HNRNPA2B1: variants seen among roughly 807,000 people sequenced by gnomAD.
HNRNPA2B1 encodes heterogeneous nuclear ribonucleoprotein A2/B1, also known as heterogeneous nuclear ribonucleoproteins A2/B1.
HNRNPA2B1 carries 3 observed loss-of-function variants against 46.3 expected under a neutral mutation model. The ratio of observed to expected loss-of-function variants is 0.06; its 90% CI spans 0.03 to 0.17. The LOEUF (loss-of-function observed/expected upper bound fraction) is 0.17. HNRNPA2B1 is among the 10% of genes least tolerant of loss of function. The probability of loss-of-function intolerance (pLI) is 1.00; values close to 1 mark genes in which losing one functional copy is unlikely to be tolerated. For missense variants in HNRNPA2B1, 221 were observed against 418.9 expected, an observed-to-expected ratio of 0.53 and a Z score of 4.12; for synonymous variants, 225 against 133.8, an observed-to-expected ratio of 1.68 and a Z score of -4.70.
At chr7:26,197,279 T>C (rs1469040373) in intron 3 of HNRNPA2B1, 36 bp downstream of exon 3, 1 of 1,563,550 alleles carries the variant, frequency 6.4e-7, no homozygotes, top group Non-Finnish European at 8.6e-7. Context: ...GCAGCGTTCT[T>C]CATGTTAATG....
At chr7:26,198,843 T>C (rs1263585260) in intron 1 of HNRNPA2B1, 1 of 152,266 alleles carries the variant, frequency 6.6e-6, no homozygotes, top group African/African-American at 2.4e-5. Context: ...GCAAGCAGCA[T>C]TAATTGCTGC....
chr7:26,190,143 TTATTTTATA>T lies in HNRNPA2B1; in HGVS notation c.*2208_*2216del, dbSNP rs1169226728. The T allele has an allele frequency of 6.6e-6, 1 of 152,584 alleles. No individual in the cohort carries two copies. Among genetic ancestry groups the T allele is most frequent in the African/African-American group, 2.4e-5 (1 of 41,456 alleles). The allele number at this position is 152,584 out of a possible 1,614,324, so 9.5% of individuals were successfully genotyped here. On this transcript the variant is annotated 3_prime_UTR_variant, in exon 11 of 11. Transcript: ENST00000618183. ...CCAAGTATTTGGATACAAAAAGTAT[TTATTTTATA>T]AACTTTATATTTAAAATAGAATTGT...
chr7:26,194,372 G>C (rs1783261727), intron 7 of HNRNPA2B1, among the ~76,000 whole-genome samples: 1 of 149,836 alleles, frequency 6.7e-6, no homozygotes, highest in South Asian at 2.1e-4. Context: ...CTCCAGCCTG[G>C]GCGACAGAGA....
Position 26,191,873 on chromosome 7 carries a change from A to T in HNRNPA2B1, c.*487T>A, listed in dbSNP as rs1244585408. The stretch of plus-strand genomic sequence containing the variant: ...CTTTAGAATTATTTTATTAAATCAT[A>T]AATGTACAACAGCTTCTTAACTCTA... On this transcript the variant is annotated 3_prime_UTR_variant, in exon 11 of 11. Transcript: ENST00000618183. 6.6e-6 allele frequency: 1 copy of T among 152,652 alleles called. No homozygotes were observed. The highest frequency in any genetic ancestry group is 1.5e-5 in the Non-Finnish European group (1 of 68,042). 9.5% of individuals were successfully genotyped at this position (152,652 alleles called of 1,614,324 possible).
chr7:26,197,099 T>C (rs1783726284), intron 3 of HNRNPA2B1, 82 bp from the exon 4 acceptor site: 1 of 1,185,814 alleles, frequency 8.4e-7, no homozygotes, highest in Admixed American at 2.1e-5. Context: ...AGTACCATAC[T>C]TCGCTTGTAT....
chr7:26,199,879 C>A (rs911944557), intron 1 of HNRNPA2B1: 3 of 152,238 alleles, frequency 2.0e-5, no homozygotes, highest in East Asian at 1.9e-4. Flanking sequence ...GAGCACCCCC[C>A]CTCCCCGCTC....
In HNRNPA2B1 at chr7:26,200,514, A is replaced by C; in HGVS notation, c.6+58T>G. ...GGAGGCGGCTGGCCGACTTCCACTG[A>C]GGCGCCAACGGCCTCGCCATGCCCT... is the stretch of plus-strand genomic sequence containing the variant. On this transcript the variant is annotated intron_variant, in intron 1 of 10. Transcript: ENST00000618183. 3 of 1,587,518 alleles carry C rather than the reference A, an allele frequency of 1.9e-6. No individual in the cohort carries two copies. The South Asian group carries it at 3.3e-5, about 18-fold the overall frequency.
intron 7 of HNRNPA2B1, among the ~76,000 whole-genome samples, chr7:26,194,059 G>A (rs547229307): frequency 2.0e-5 from 3 of 152,274 alleles, no homozygotes; most frequent in Non-Finnish European, 2.9e-5. Flanking sequence ...TGGCCCAAAA[G>A]ATAAAGTTTC....
intron 1 of HNRNPA2B1, chr7:26,198,890 C>T (rs1038208841): frequency 6.6e-6 from 1 of 152,254 alleles, no homozygotes; most frequent in Non-Finnish European, 1.5e-5. Context: ...CCTCCATTCG[C>T]ATGCTCCCAA....
intron 10 of HNRNPA2B1, 33 bp from the exon 11 acceptor site, chr7:26,192,371 AT>A: frequency 2.9e-6 from 2 of 700,418 alleles, no homozygotes; most frequent in East Asian, 2.5e-5. Flanking sequence ...TAAAAAAAAA[AT>A]AGGTTATGAA....
Position 26,200,586 on chromosome 7 carries a change from C to T in HNRNPA2B1, c.-9G>A. Reference sequence around the variant, plus strand: ...AAACCCGTTACCTCCATCGCGGACTCAGTCGCTTCAGCCCGATTTCCCGCA... The same window carrying T: ...AAACCCGTTACCTCCATCGCGGACTTAGTCGCTTCAGCCCGATTTCCCGCA... On this transcript the variant is annotated 5_prime_UTR_variant, in exon 1 of 11. Coordinates refer to ENST00000618183, the MANE Select transcript of HNRNPA2B1 (RefSeq NM_002137.4). 6.2e-7 allele frequency: 1 copy of T among 1,613,586 alleles called. No individual in the cohort carries two copies.
In HNRNPA2B1 at chr7:26,190,236, T is replaced by C. The variant is rs572613516; in HGVS notation, c.*2124A>G. ...TGATACATTTATCTCTCTAGCCAAT[T>C]TGATGTTACTGTTTTACAAACAACA... On this transcript the variant is annotated 3_prime_UTR_variant, in exon 11 of 11. Coordinates refer to ENST00000618183, the MANE Select transcript of HNRNPA2B1 (RefSeq NM_002137.4). The C allele has an allele frequency of 6.5e-6, 1 of 152,758 alleles. No homozygotes were observed. The highest frequency in any genetic ancestry group is 2.4e-5 in the African/African-American group (1 of 41,588). 9.5% of individuals were successfully genotyped at this position (152,758 alleles called of 1,614,324 possible).
Position 26,189,971 on chromosome 7 carries a change from G to A in HNRNPA2B1, c.*2389C>T, listed in dbSNP as rs1210289394. 6.6e-6 allele frequency: 1 copy of A among 152,174 alleles called. No homozygotes were observed. Among genetic ancestry groups the A allele is most frequent in the Non-Finnish European group, 1.5e-5 (1 of 68,012 alleles). The allele number at this position is 152,174 out of a possible 1,614,324, so 9.4% of individuals were successfully genotyped here. A position where few individuals can be genotyped will look rare whatever the true frequency, so the allele number is the denominator to read the frequency against. ...CATTTTATTGGGGACAGCCAATAAT[G>A]TCCACAATGCTCTTCTCATTTACCT... On this transcript the variant is annotated 3_prime_UTR_variant, in exon 11 of 11. Coordinates refer to ENST00000618183, the MANE Select transcript of HNRNPA2B1 (RefSeq NM_002137.4).
chr7:26,195,443 GAA>G (rs1302943717), intron 7 of HNRNPA2B1, among the ~76,000 whole-genome samples: 2 of 152,196 alleles, frequency 1.3e-5, no homozygotes, highest in African/African-American at 4.8e-5. Flanking sequence ...TACGCTTTTT[GAA>G]AGTTATCCTG....
Position 26,195,873 on chromosome 7 carries a change from T to C in HNRNPA2B1, c.695A>G (p.Tyr232Cys), listed in dbSNP as rs775496049. 5 of 1,610,962 alleles carry C rather than the reference T, an allele frequency of 3.1e-6. No homozygotes were observed. The African/African-American group carries it at 5.4e-5, about 17-fold the overall frequency. ...YGSGRGFGDG[Y>C]NGYGGGPGGG... ...TCCAGGTCCTCCTCCATACCCATTA[T>C]AGCCATCCCCAAATCCACGTCCACT... is the stretch of plus-strand genomic sequence containing the variant. Residue 232 changes from tyrosine (Y) to cysteine (C), a missense_variant, in exon 7 of 11, where the codon TAT becomes TGT. Coordinates refer to ENST00000618183, the MANE Select transcript of HNRNPA2B1 (RefSeq NM_002137.4).
intron 3 of HNRNPA2B1, 47 bp downstream of exon 3, chr7:26,197,268 G>A (rs1263550390): frequency 1.6e-5 from 25 of 1,546,394 alleles, no homozygotes; most frequent in Non-Finnish European, 1.9e-5. Flanking sequence ...TTTTCAGCAG[G>A]GCAGCGTTCT....
intron 1 of HNRNPA2B1, chr7:26,199,306 T>TA (rs1412545508): frequency 1.3e-5 from 2 of 152,566 alleles, no homozygotes; most frequent in African/African-American, 4.8e-5. Context: ...TGAGACCTTA[T>TA]GCTTATCAAT....
rs1346435558 is a variant in HNRNPA2B1 at position 26,192,267 on chromosome 7, T to C, written c.*93A>G. On this transcript the variant is annotated 3_prime_UTR_variant, in exon 11 of 11. Coordinates refer to ENST00000618183, the MANE Select transcript of HNRNPA2B1 (RefSeq NM_002137.4). Reference sequence around the variant, plus strand: ...GACTGAGATAAGAGTTTCCTTAACATTGTTATTTCGATAACCTGAAGCTGT... The same window carrying C: ...GACTGAGATAAGAGTTTCCTTAACACTGTTATTTCGATAACCTGAAGCTGT... 2.1e-6 allele frequency: 1 copy of C among 468,740 alleles called. No homozygotes were observed. The highest frequency in any genetic ancestry group is 3.8e-6 in the Non-Finnish European group (1 of 261,430). The allele number at this position is 468,740 out of a possible 1,614,324, so 29.0% of individuals were successfully genotyped here. A position where few individuals can be genotyped will look rare whatever the true frequency, so the allele number is the denominator to read the frequency against.
At position 26,197,297 on chromosome 7, in the gene HNRNPA2B1, C is replaced by T. The variant is rs761684134; in HGVS notation, c.264+18G>A. 6.3e-7 allele frequency: 1 copy of T among 1,595,442 alleles called. No homozygotes were observed. The highest frequency in any genetic ancestry group is 1.8e-5 in the Admixed American group (1 of 56,514). ...GCGTTCTTCATGTTAATGCACAAGA[C>T]AGTCATTGTTTGCTTACCTCTCTTG... On this transcript the variant is annotated intron_variant, in intron 3 of 10. Coordinates refer to ENST00000618183, the MANE Select transcript of HNRNPA2B1 (RefSeq NM_002137.4).
Sources: allele counts gnomAD v4.1 joint callset (sites outside exome capture counted in the v4.1 genomes callset), GRCh38; gene constraint gnomAD v4.1.1; transcripts MANE v1.5; gene names NCBI Gene and HGNC (gene_info 2026-07-23, HGNC 2026-07-21).